Variants in CTNNA3 observed in about 807,000 individuals in gnomAD.
The protein encoded by CTNNA3 is catenin alpha-3.
Under a neutral mutation model 95.7 loss-of-function variants are expected in CTNNA3, and 76 were observed. The observed-to-expected ratio is 0.79, with a 90% confidence interval of 0.66 to 0.96. The LOEUF is 0.96. CTNNA3 is among the 40% of genes least tolerant of loss of function. The pLI is 0.00. For synonymous variants in CTNNA3, 431 were observed against 374.4 expected (o/e 1.15, Z -1.74); for missense variants, 1,191 against 1,089.8 (o/e 1.09, Z -1.31).
intron 14 of CTNNA3, among the ~76,000 whole-genome samples, chr10:66,092,096 T>G (rs1247327534): frequency 6.6e-6 from 1 of 151,738 alleles, no homozygotes. Context: ...AAACCTTGAG[T>G]TGTCCCTGAC....
At chr10:67,487,247 A>C (rs1848480627) in intron 5 of CTNNA3, among the ~76,000 whole-genome samples, 2 of 152,256 alleles carry the variant, frequency 1.3e-5, no homozygotes, top group African/African-American at 2.4e-5. Flanking sequence ...CATCCAAGGC[A>C]TAACTGTTAT....
At chr10:67,627,393 T>A (rs1838994958) in intron 2 of CTNNA3, among the ~76,000 whole-genome samples, 1 of 152,172 alleles carries the variant, frequency 6.6e-6, no homozygotes, top group Non-Finnish European at 1.5e-5. Context: ...GGGACCTGTG[T>A]CCAGTATCTC....
intron 11 of CTNNA3, among the ~76,000 whole-genome samples, chr10:66,437,783 T>C (rs1390903187): frequency 1.3e-5 from 2 of 152,284 alleles, no homozygotes; most frequent in East Asian, 3.9e-4. Context: ...GACATTCTGG[T>C]TTTTGGAATT....
At chr10:66,898,440 C>A (rs1414650308) in intron 7 of CTNNA3, among the ~76,000 whole-genome samples, 1 of 152,060 alleles carries the variant, frequency 6.6e-6, no homozygotes, top group Non-Finnish European at 1.5e-5. Flanking sequence ...TCAAAATATA[C>A]TACAAAGCTA....
intron 5 of CTNNA3, among the ~76,000 whole-genome samples, chr10:67,505,715 A>C (rs1021979878): frequency 2.0e-5 from 3 of 152,246 alleles, no homozygotes; most frequent in Admixed American, 2.0e-4. Context: ...GTCAGCTGTT[A>C]ATGCTGTGTG....
At chr10:66,295,759 C>T (rs1420862287) in intron 12 of CTNNA3, among the ~76,000 whole-genome samples, 4 of 152,114 alleles carry the variant, frequency 2.6e-5, no homozygotes, top group East Asian at 1.9e-4. Context: ...TCTTAGTTAC[C>T]GCTCAGGAAA....
intron 10 of CTNNA3, among the ~76,000 whole-genome samples, chr10:66,591,738 T>G (rs1843557801): frequency 6.6e-6 from 1 of 152,134 alleles, no homozygotes; most frequent in Non-Finnish European, 1.5e-5. Flanking sequence ...CATCCTGATA[T>G]TCATCATTTT....
chr10:67,691,805 T>G (rs1475317951), intron 1 of CTNNA3, among the ~76,000 whole-genome samples: 7 of 119,490 alleles, frequency 5.9e-5, no homozygotes, highest in Admixed American at 8.4e-5. Context: ...GTCCAGGAGG[T>G]GAGGGGCGCC....
chr10:66,834,983 G>T (rs996341999), intron 7 of CTNNA3, among the ~76,000 whole-genome samples: 1 of 152,146 alleles, frequency 6.6e-6, no homozygotes, highest in Non-Finnish European at 1.5e-5. Context: ...GCAGTTAAAG[G>T]TATGAATCAT....
intron 11 of CTNNA3, among the ~76,000 whole-genome samples, chr10:66,456,434 A>G (rs59407414): frequency 0.11 from 17,355 of 152,182 alleles, 1,397 homozygotes; most frequent in African/African-American, 0.23. Flanking sequence ...GATGTTGGAA[A>G]ACCTGAACAT....
chr10:66,126,098 GGTATGGA>G, intron 13 of CTNNA3, among the ~76,000 whole-genome samples: 1 of 152,080 alleles, frequency 6.6e-6, no homozygotes, highest in Non-Finnish European at 1.5e-5. Flanking sequence ...CACTGTATGG[GGTATGGA>G]GAGGGAAAAG....
At chr10:66,767,748 T>A (rs951830831) in intron 8 of CTNNA3, among the ~76,000 whole-genome samples, 5 of 152,186 alleles carry the variant, frequency 3.3e-5, no homozygotes, top group African/African-American at 7.2e-5. Context: ...CTGTCTTCTA[T>A]AATGATCATA....
At chr10:67,040,241 C>G (rs1156902134) in intron 7 of CTNNA3, among the ~76,000 whole-genome samples, 1 of 152,082 alleles carries the variant, frequency 6.6e-6, no homozygotes, top group East Asian at 1.9e-4. Context: ...TTTGCTCGGT[C>G]TACATGTGAT....
intron 9 of CTNNA3, among the ~76,000 whole-genome samples, chr10:66,643,889 G>A (rs1430626692): frequency 6.6e-6 from 1 of 152,112 alleles, no homozygotes; most frequent in Non-Finnish European, 1.5e-5. Context: ...AAAGAAGAAA[G>A]TACAAGATGT....
At chr10:67,514,236 G>T (rs1293302831) in intron 5 of CTNNA3, among the ~76,000 whole-genome samples, 1 of 152,174 alleles carries the variant, frequency 6.6e-6, no homozygotes, top group African/African-American at 2.4e-5. Flanking sequence ...GGAGGCAGAG[G>T]TTGCACTGAG....
chr10:66,811,789 T>G (rs1266482097), intron 7 of CTNNA3, among the ~76,000 whole-genome samples: 1 of 152,190 alleles, frequency 6.6e-6, no homozygotes, highest in Non-Finnish European at 1.5e-5. Context: ...GTCATTCCCA[T>G]GTTAAGATGA....
At chr10:66,187,647 T>C (rs1258477192) in intron 13 of CTNNA3, among the ~76,000 whole-genome samples, 1 of 151,840 alleles carries the variant, frequency 6.6e-6, no homozygotes, top group African/African-American at 2.4e-5. Context: ...AAAATCTCTA[T>C]CAATTTTTTA....
intron 7 of CTNNA3, among the ~76,000 whole-genome samples, chr10:66,830,548 G>A (rs1049041052): frequency 5.3e-5 from 8 of 151,830 alleles, no homozygotes; most frequent in Admixed American, 4.6e-4. Flanking sequence ...ATAAACCAAT[G>A]CAGCATGGAG....
At chr10:66,864,239 G>A (rs1157534461) in intron 7 of CTNNA3, among the ~76,000 whole-genome samples, 2 of 152,142 alleles carry the variant, frequency 1.3e-5, no homozygotes, top group Non-Finnish European at 2.9e-5. Flanking sequence ...TAGGTCAGGA[G>A]AGCTCTGAAC....
Sources: allele counts gnomAD v4.1 joint callset (sites outside exome capture counted in the v4.1 genomes callset), GRCh38; gene constraint gnomAD v4.1.1; transcripts MANE v1.5; gene names NCBI Gene and HGNC (gene_info 2026-07-23, HGNC 2026-07-21).